Variants in ASTN2 observed in about 807,000 individuals in gnomAD.
ASTN2 encodes the protein astrotactin-2.
In ASTN2, 54 loss-of-function variants were observed where a neutral mutation model predicts 139.8. That is an observed-to-expected ratio of 0.39 (90% CI 0.31 to 0.48). ASTN2 has a LOEUF of 0.48. ASTN2 is among the 20% of genes least tolerant of loss of function. ASTN2 has a pLI of 0.95. For missense variants in ASTN2, 1,565 were observed against 1,725.1 expected (o/e 0.91, Z 1.64); for synonymous variants, 756 against 719.5 (o/e 1.05, Z -0.81).
At chr9:116,718,186 T>G (rs1197045737) in intron 16 of ASTN2, among the ~76,000 whole-genome samples, 1 of 151,948 alleles carries the variant, frequency 6.6e-6, no homozygotes, top group African/African-American at 2.4e-5. Context: ...GACATTTGAG[T>G]TGGGTGATAT....
chr9:117,180,164 C>A (rs765467058), intron 3 of ASTN2, among the ~76,000 whole-genome samples: 1 of 152,144 alleles, frequency 6.6e-6, no homozygotes, highest in Non-Finnish European at 1.5e-5. Flanking sequence ...TAAGTTTGTG[C>A]CACCATGTTA....
At chr9:116,729,864 A>G (rs573604837) in intron 14 of ASTN2, among the ~76,000 whole-genome samples, 1 of 152,338 alleles carries the variant, frequency 6.6e-6, no homozygotes, top group Admixed American at 6.5e-5. Flanking sequence ...TAGTGTGCAA[A>G]CTTCTTTGAC....
chr9:117,182,482 A>T (rs952953570), intron 3 of ASTN2, among the ~76,000 whole-genome samples: 3 of 152,222 alleles, frequency 2.0e-5, no homozygotes, highest in African/African-American at 7.2e-5. Context: ...GAGCATGGAC[A>T]GAATTATTTT....
chr9:116,738,170 C>T lies in ASTN2; in HGVS notation c.2397-4647G>A, dbSNP rs951388880. Among the ~76,000 whole-genome samples, 6 of 133,716 alleles carry T rather than the reference C, an allele frequency of 4.5e-5. No homozygotes were observed. The East Asian group carries it at 9.1e-4, about 20-fold the overall frequency. The allele number at this position is 133,716 out of a possible 152,430, so 87.7% of individuals were successfully genotyped here. A position where few individuals can be genotyped will look rare whatever the true frequency, so the allele number is the denominator to read the frequency against. ...TCGCGCCACTGCACTCCAGCCTGGGCGACAGAGCGAGACTCCGTCTCAAAA... is the reference window on the plus strand; with the variant it reads ...TCGCGCCACTGCACTCCAGCCTGGGTGACAGAGCGAGACTCCGTCTCAAAA... On this transcript the variant is annotated intron_variant, in intron 13 of 22. Coordinates refer to ENST00000313400, the MANE Select transcript of ASTN2 (RefSeq NM_001365068.1).
chr9:116,701,389 A>G (rs1415033413), intron 16 of ASTN2: 1 of 154,962 alleles, frequency 6.5e-6, no homozygotes, highest in East Asian at 1.9e-4. Flanking sequence ...TTGAGAGGAA[A>G]TTGATCCAAT....
chr9:116,597,436 T>C (rs1182972291), intron 19 of ASTN2, among the ~76,000 whole-genome samples: 1 of 150,804 alleles, frequency 6.6e-6, no homozygotes, highest in Non-Finnish European at 1.5e-5. Context: ...GCCTCCCAAG[T>C]AGCGGGCCAC....
intron 10 of ASTN2, among the ~76,000 whole-genome samples, chr9:116,897,238 G>A (rs10983398): frequency 0.31 from 46,689 of 152,066 alleles, 8,079 homozygotes; most frequent in East Asian, 0.57. Flanking sequence ...AATACCAGGC[G>A]AAGGACTGCA....
At chr9:116,733,345 G>C in intron 14 of ASTN2, 54 bp downstream of exon 14, 2 of 1,599,002 alleles carry the variant, frequency 1.3e-6, no homozygotes, top group Non-Finnish European at 1.7e-6. Context: ...ACTAGGTGTG[G>C]AGACTCGGTG....
chr9:116,433,271 C>A (rs890883907), intron 22 of ASTN2, among the ~76,000 whole-genome samples: 8 of 152,098 alleles, frequency 5.3e-5, no homozygotes, highest in African/African-American at 1.9e-4. Context: ...CATTTACATA[C>A]GTATCTGTGG....
intron 13 of ASTN2, among the ~76,000 whole-genome samples, chr9:116,770,592 A>C (rs1829931128): frequency 6.6e-6 from 1 of 152,180 alleles, no homozygotes; most frequent in Non-Finnish European, 1.5e-5. Context: ...TTGAGGCTTG[A>C]CATCAGCTGT....
At chr9:116,911,810 A>G (rs774811929) in intron 10 of ASTN2, among the ~76,000 whole-genome samples, 65 of 152,186 alleles carry the variant, frequency 4.3e-4, no homozygotes, top group Middle Eastern at 3.4e-3. Flanking sequence ...CAGGAGAATG[A>G]CGTGAACCCA....
chr9:117,225,535 G>GTATGTATATATATATATATATATA (rs369914209), intron 2 of ASTN2, among the ~76,000 whole-genome samples: 2 of 63,958 alleles, frequency 3.1e-5, no homozygotes, highest in Non-Finnish European at 7.0e-5. Flanking sequence ...CAAGCTGTAT[G>GTATGTATATATATATATATATATA]TATATATATA....
At chr9:116,515,949 T>C (rs575573033) in intron 19 of ASTN2, among the ~76,000 whole-genome samples, 1 of 152,334 alleles carries the variant, frequency 6.6e-6, no homozygotes, top group African/African-American at 2.4e-5. Context: ...TACTAATTCA[T>C]TAGACCTATG....
At chr9:116,774,370 A>G (rs528934485) in intron 13 of ASTN2, among the ~76,000 whole-genome samples, 83 of 152,294 alleles carry the variant, frequency 5.4e-4, no homozygotes, top group African/African-American at 1.9e-3. Flanking sequence ...GGTAAAGGAA[A>G]AGGTATCCTG....
At chr9:116,508,985 T>C (rs535829457) in intron 19 of ASTN2, among the ~76,000 whole-genome samples, 20 of 152,252 alleles carry the variant, frequency 1.3e-4, no homozygotes, top group African/African-American at 2.9e-4. Context: ...CCCATACCTC[T>C]CTTTTATCTC....
At chr9:116,908,464 T>A (rs1013507342) in intron 10 of ASTN2, among the ~76,000 whole-genome samples, 2 of 152,182 alleles carry the variant, frequency 1.3e-5, no homozygotes, top group South Asian at 4.1e-4. Context: ...AGGCTATCAT[T>A]TCCAACCTCT....
chr9:117,306,381 A>G (rs67456817), intron 1 of ASTN2, among the ~76,000 whole-genome samples: 25,709 of 152,132 alleles, frequency 0.17, 2,719 homozygotes, highest in South Asian at 0.24. Flanking sequence ...CAAGTCAGGG[A>G]TAGGGCTGGT....
chr9:117,391,599 T>A (rs1471436766), intron 1 of ASTN2, among the ~76,000 whole-genome samples: 1 of 152,030 alleles, frequency 6.6e-6, no homozygotes, highest in Non-Finnish European at 1.5e-5. Context: ...CAAGATGAGA[T>A]TTGGGTGGGG....
At chr9:116,943,463 T>C (rs79854623) in intron 10 of ASTN2, among the ~76,000 whole-genome samples, 11,070 of 152,208 alleles carry the variant, frequency 0.073, 778 homozygotes, top group African/African-American at 0.18. Context: ...GTTCTAAAAT[T>C]AGATATTGGT....
Sources: allele counts gnomAD v4.1 joint callset (sites outside exome capture counted in the v4.1 genomes callset), GRCh38; gene constraint gnomAD v4.1.1; transcripts MANE v1.5; gene names NCBI Gene and HGNC (gene_info 2026-07-23, HGNC 2026-07-21).